LYRM4: variants seen among roughly 807,000 people sequenced by gnomAD.
The protein encoded by LYRM4 is LYR motif containing 4.
A neutral mutation model predicts 11.7 loss-of-function variants in LYRM4; 9 were observed. That is an observed-to-expected ratio of 0.77 (90% CI 0.46 to 1.34). LYRM4 has a LOEUF of 1.34. Among genes scored for constraint, LYRM4 ranks in the 40% most tolerant of loss-of-function variants. The pLI is 0.00. For missense variants in LYRM4, 133 were observed against 112.5 expected, an observed-to-expected ratio of 1.18 and a Z score of -0.82; for synonymous variants, 42 against 40.4, an observed-to-expected ratio of 1.04 and a Z score of -0.15.
At chr6:5,220,273 A>G (rs1266106775) in intron 1 of LYRM4, among the ~76,000 whole-genome samples, 1 of 152,234 alleles carries the variant, frequency 6.6e-6, no homozygotes, top group Non-Finnish European at 1.5e-5. Flanking sequence ...AAATGCAGCC[A>G]TAATCACAGC....
chr6:5,086,827 T>G, the LYRM4 span: 1 of 491,902 alleles, frequency 2.0e-6, no homozygotes, highest in Non-Finnish European at 3.6e-6. Context: ...CCTCTAGAAT[T>G]CCCAGCCTGC....
chr6:5,103,557 C>T (rs534897988), downstream of LYRM4: 1 of 151,988 alleles, frequency 6.6e-6, no homozygotes, highest in Non-Finnish European at 1.5e-5. Flanking sequence ...AAGCTTTCTC[C>T]TTCTGCTTTT....
chr6:5,151,013 A>G (rs12529198), intron 2 of LYRM4, among the ~76,000 whole-genome samples: 15,381 of 152,030 alleles, frequency 0.1, 963 homozygotes, highest in South Asian at 0.24. Flanking sequence ...CATGGCTAGA[A>G]GTGACCTTTA....
At chr6:5,099,967 C>T (rs1405161363), downstream of LYRM4, among the ~76,000 whole-genome samples, 1 of 152,214 alleles carries the variant, frequency 6.6e-6, no homozygotes, top group East Asian at 1.9e-4. The surrounding 1 kb of genome is among the most constrained non-coding windows in gnomAD (Gnocchi z 4.3). Context: ...CCTCCTTGGT[C>T]TCTCCTCAGG....
intron 1 of LYRM4, 50 bp downstream of exon 1, chr6:5,260,598 T>TGCCCCGGCCCCGGGGCCCCCCCCCCCC: frequency 1.8e-6 from 2 of 1,105,568 alleles, no homozygotes; most frequent in Non-Finnish European, 2.6e-6. Context: ...GCACCCCCGG[T>TGCCCCGGCCCCGGGGCCCCCCCCCCCC]CCCCGGCCCC....
At chr6:5,126,720 C>T (rs556056575) in intron 2 of LYRM4, among the ~76,000 whole-genome samples, 10 of 152,174 alleles carry the variant, frequency 6.6e-5, no homozygotes, top group African/African-American at 2.2e-4. Context: ...GTGATAGAAG[C>T]CAAACACAAA....
At chr6:5,052,475 G>A in the LYRM4 span, among the ~76,000 whole-genome samples, 5 of 151,848 alleles carry the variant, frequency 3.3e-5, no homozygotes, top group Non-Finnish European at 7.4e-5. Flanking sequence ...TTTTTGTTTT[G>A]TAGAGATAGC....
At chr6:5,150,091 A>G (rs1224793563) in intron 2 of LYRM4, among the ~76,000 whole-genome samples, 1 of 152,228 alleles carries the variant, frequency 6.6e-6, no homozygotes, top group Admixed American at 6.5e-5. Context: ...TTCAGGCTAC[A>G]GTAAAGCAGG....
intron 2 of LYRM4, among the ~76,000 whole-genome samples, chr6:5,191,555 T>A (rs996531629): frequency 1.3e-5 from 2 of 152,196 alleles, no homozygotes; most frequent in Non-Finnish European, 2.9e-5. Context: ...GTGACAAATT[T>A]ACCTGTCTGT....
At chr6:5,212,014 C>A (rs1007792540) in intron 2 of LYRM4, among the ~76,000 whole-genome samples, 1 of 152,198 alleles carries the variant, frequency 6.6e-6, no homozygotes, top group South Asian at 2.1e-4. Context: ...AAGATTACAA[C>A]TCTATTTCAA....
chr6:5,175,639 C>T (rs575361191), intron 2 of LYRM4, among the ~76,000 whole-genome samples: 3 of 152,308 alleles, frequency 2.0e-5, no homozygotes, highest in Admixed American at 6.5e-5. Context: ...TGTGACACCC[C>T]TGCCATTGAG....
the LYRM4 span, among the ~76,000 whole-genome samples, chr6:5,069,867 G>A: frequency 4.6e-5 from 7 of 152,202 alleles, no homozygotes; most frequent in Non-Finnish European, 1.0e-4. Context: ...GCAAGGATTT[G>A]TGTCTGTTTT....
At chr6:5,198,917 G>A (rs1191030412) in intron 2 of LYRM4, among the ~76,000 whole-genome samples, 2 of 152,170 alleles carry the variant, frequency 1.3e-5, no homozygotes, top group Non-Finnish European at 2.9e-5. Context: ...GTGTTTACAA[G>A]AATGGGGCAA....
chr6:5,085,246 C>G, the LYRM4 span: 1 of 457,970 alleles, frequency 2.2e-6, no homozygotes, highest in Non-Finnish European at 3.8e-6. Context: ...AACCGGGAGG[C>G]GGCGTGGCCC....
At chr6:5,247,768 T>C (rs775298706) in intron 1 of LYRM4, among the ~76,000 whole-genome samples, 4 of 152,150 alleles carry the variant, frequency 2.6e-5, no homozygotes, top group Non-Finnish European at 5.9e-5. Context: ...GCATCAGTGA[T>C]GTCTAATGAG....
chr6:5,214,134 G>C (rs568013299), intron 2 of LYRM4, among the ~76,000 whole-genome samples: 66 of 152,340 alleles, frequency 4.3e-4, no homozygotes, highest in African/African-American at 1.5e-3. Flanking sequence ...TGCAGAAGAG[G>C]GAGAAAATAG....
At chr6:5,115,011 C>G (rs1763055379) in intron 2 of LYRM4, among the ~76,000 whole-genome samples, 1 of 152,128 alleles carries the variant, frequency 6.6e-6, no homozygotes, top group Non-Finnish European at 1.5e-5. Flanking sequence ...TGCTTTTTAA[C>G]TTCATATTAT....
At chr6:5,252,018 C>G (rs1394334415) in intron 1 of LYRM4, among the ~76,000 whole-genome samples, 2 of 152,168 alleles carry the variant, frequency 1.3e-5, no homozygotes, top group Admixed American at 1.3e-4. Context: ...ACAGCAATCA[C>G]AGATATCAGT....
At chr6:5,127,381 G>A (rs587777) in intron 2 of LYRM4, among the ~76,000 whole-genome samples, 86,782 of 152,004 alleles carry the variant, frequency 0.57, 25,458 homozygotes, top group East Asian at 0.81. Context: ...CACCGTGCCC[G>A]GCTGAATAAT....
Sources: allele counts gnomAD v4.1 joint callset (sites outside exome capture counted in the v4.1 genomes callset), GRCh38; gene constraint gnomAD v4.1.1; non-coding constraint Gnocchi (gnomAD v3.1); transcripts MANE v1.5; gene names NCBI Gene and HGNC (gene_info 2026-07-23, HGNC 2026-07-21).